TRPC4AP: variants seen among roughly 807,000 people sequenced by gnomAD.
TRPC4AP encodes the protein transient receptor potential cation channel subfamily C member 4 associated protein.
TRPC4AP carries 45 observed loss-of-function variants against 99.0 expected under a neutral mutation model. That is an observed-to-expected ratio of 0.45 (90% CI 0.36 to 0.58). The LOEUF (loss-of-function observed/expected upper bound fraction) is 0.58. TRPC4AP is among the 20% of genes least tolerant of loss of function. TRPC4AP has a pLI of 0.00. For synonymous variants in TRPC4AP, 408 were observed against 385.8 expected (o/e 1.06, Z -0.67); for missense variants, 879 against 985.3 (o/e 0.89, Z 1.44).
chr20:35,010,092 A>G, intron 12 of TRPC4AP, 95 bp downstream of exon 12: 3 of 901,284 alleles, frequency 3.3e-6, no homozygotes, highest in Admixed American at 1.9e-5. Context: ...GTGAGAGAGG[A>G]CACGCGTGCA....
intron 3 of TRPC4AP, among the ~76,000 whole-genome samples, chr20:35,065,035 A>C (rs934580653): frequency 1.3e-5 from 2 of 152,230 alleles, no homozygotes; most frequent in African/African-American, 4.8e-5. Context: ...AGTATACTAC[A>C]CCAATTCTTC....
At chr20:35,054,027 A>G (rs932340608) in intron 5 of TRPC4AP, among the ~76,000 whole-genome samples, 5 of 152,148 alleles carry the variant, frequency 3.3e-5, no homozygotes, top group African/African-American at 1.2e-4. Context: ...TATGGTCTTC[A>G]TTTTTATATC....
intron 8 of TRPC4AP, among the ~76,000 whole-genome samples, chr20:35,025,532 G>A (rs2083007386): frequency 6.6e-6 from 1 of 152,148 alleles, no homozygotes; most frequent in Admixed American, 6.5e-5. Context: ...TTTTTCACGT[G>A]CTTAATAATT....
At chr20:35,067,772 T>C (rs903972285) in intron 3 of TRPC4AP, among the ~76,000 whole-genome samples, 10 of 152,138 alleles carry the variant, frequency 6.6e-5, no homozygotes, top group Admixed American at 3.9e-4. Context: ...ACATATTATA[T>C]AACTAAATTT....
chr20:35,009,950 C>G (rs2147270809), intron 12 of TRPC4AP, among the ~76,000 whole-genome samples: 1 of 152,372 alleles, frequency 6.6e-6, no homozygotes, highest in East Asian at 1.9e-4. Flanking sequence ...CTCTGAGGCT[C>G]ACCTCATCTG....
In TRPC4AP at chr20:35,057,118, T is replaced by C. The variant is rs2083852017; in HGVS notation, c.472+396A>G. Reference sequence around the variant, plus strand: ...TGCATACCAAAACACTCTGACTTTTTACCATTCACACCCTGGTAATGCCTG... The same window carrying C: ...TGCATACCAAAACACTCTGACTTTTCACCATTCACACCCTGGTAATGCCTG... On this transcript the variant is annotated intron_variant, in intron 4 of 18. Transcript: ENST00000252015. Among the ~76,000 whole-genome samples the C allele has an allele frequency of 2.6e-5, 4 of 152,260 alleles. No homozygotes were observed. The South Asian group carries it at 6.2e-4, about 24-fold the overall frequency.
At chr20:35,072,941 T>C in intron 2 of TRPC4AP, among the ~76,000 whole-genome samples, 1 of 152,248 alleles carries the variant, frequency 6.6e-6, no homozygotes, top group Non-Finnish European at 1.5e-5. Flanking sequence ...CATTTGTTTG[T>C]GTCCTCTTTT....
intron 6 of TRPC4AP, among the ~76,000 whole-genome samples, chr20:35,045,828 C>A (rs1346639847): frequency 6.6e-6 from 1 of 152,156 alleles, no homozygotes; most frequent in Non-Finnish European, 1.5e-5. Flanking sequence ...GCGTGAGCTA[C>A]CACGCCTGGC....
chr20:35,077,065 G>T (rs1027089089), intron 2 of TRPC4AP, among the ~76,000 whole-genome samples: 1 of 152,214 alleles, frequency 6.6e-6, no homozygotes, highest in African/African-American at 2.4e-5. Flanking sequence ...CTCCAAGCCA[G>T]GCGCAGGATA....
chr20:35,031,617 T>A (rs997681278), intron 8 of TRPC4AP, among the ~76,000 whole-genome samples: 1 of 152,026 alleles, frequency 6.6e-6, no homozygotes, highest in Admixed American at 6.6e-5. Flanking sequence ...ATGTGTGCAT[T>A]AATGATTTAC....
chr20:35,019,904 C>G (rs2082847393), intron 9 of TRPC4AP, among the ~76,000 whole-genome samples: 1 of 152,096 alleles, frequency 6.6e-6, no homozygotes, highest in South Asian at 2.1e-4. Context: ...ATCCAAGTGT[C>G]AATTCTAACA....
intron 7 of TRPC4AP, among the ~76,000 whole-genome samples, chr20:35,043,880 T>C (rs928825355): frequency 6.6e-6 from 1 of 152,210 alleles, no homozygotes; most frequent in South Asian, 2.1e-4. Context: ...TTAGTGTCTA[T>C]ACATCATTAT....
rs2083654266 is a variant in TRPC4AP at position 35,049,903 on chromosome 20, G to C, written c.620C>G (p.Thr207Arg). Reference protein sequence around the residue: ...LMTSKKTFLQTATLIEDILGV... With the variant: ...LMTSKKTFLQRATLIEDILGV... ...CAAAATATCTTCAATGAGGGTTGCT[G>C]TTTGTAAGAATGTCTTCTTACTTGT... Residue 207 changes from threonine (T) to arginine (R), a missense_variant, in exon 6 of 19, where the codon ACA becomes AGA. Thr to Arg is a moderately conservative substitution (Grantham distance 71). Coordinates refer to ENST00000252015, the MANE Select transcript of TRPC4AP (RefSeq NM_015638.3). The C allele has an allele frequency of 6.2e-7, 1 of 1,613,846 alleles. No homozygotes were observed. Among genetic ancestry groups the C allele is most frequent in the South Asian group, 1.1e-5 (1 of 91,056 alleles).
At chr20:35,024,825 CA>C (rs778161091) in intron 8 of TRPC4AP, among the ~76,000 whole-genome samples, 460 of 35,820 alleles carry the variant, frequency 0.013, 8 homozygotes, top group African/African-American at 0.044. Context: ...GAGACCGTCT[CA>C]AAAAAAAAAA....
intron 2 of TRPC4AP, among the ~76,000 whole-genome samples, chr20:35,072,316 T>C (rs2084342380): frequency 6.6e-6 from 1 of 152,266 alleles, no homozygotes; most frequent in Non-Finnish European, 1.5e-5. Flanking sequence ...CTGGCTTTTG[T>C]TGCCATTGCT....
chr20:35,079,490 A>G (rs913177818), intron 1 of TRPC4AP, among the ~76,000 whole-genome samples: 14 of 152,232 alleles, frequency 9.2e-5, no homozygotes, highest in African/African-American at 3.4e-4. Context: ...CTACAGAAAG[A>G]GCAGTTTAAG....
At chr20:35,022,342 C>G (rs6060156) in intron 8 of TRPC4AP, among the ~76,000 whole-genome samples, 110,396 of 152,056 alleles carry the variant, frequency 0.73, 40,403 homozygotes, top group Middle Eastern at 0.83. Context: ...TTTTAGTAGA[C>G]ATGGGGTTTC....
At chr20:35,055,679 A>G (rs2083810207) in intron 4 of TRPC4AP, among the ~76,000 whole-genome samples, 1 of 152,246 alleles carries the variant, frequency 6.6e-6, no homozygotes, top group Non-Finnish European at 1.5e-5. Context: ...GCTAAAAGTT[A>G]AAAGTATAAG....
intron 8 of TRPC4AP, chr20:35,030,474 G>C (rs548805723): frequency 6.6e-6 from 1 of 152,212 alleles, no homozygotes; most frequent in East Asian, 1.9e-4. Context: ...TTTTTGTGCT[G>C]TAATTGTGCA....
Sources: allele counts gnomAD v4.1 joint callset (sites outside exome capture counted in the v4.1 genomes callset), GRCh38; gene constraint gnomAD v4.1.1; transcripts MANE v1.5; gene names NCBI Gene and HGNC (gene_info 2026-07-23, HGNC 2026-07-21).